The following THSD7A variants were observed in gnomAD, a reference collection of about 807,000 sequenced individuals.
THSD7A encodes the protein thrombospondin type-1 domain-containing protein 7A.
Under a neutral mutation model 231.3 loss-of-function variants are expected in THSD7A, and 96 were observed. The observed-to-expected ratio is 0.41, with a 90% CI of 0.35 to 0.49. THSD7A has a LOEUF of 0.49. THSD7A is among the 20% of genes least tolerant of loss of function. The pLI, the probability that THSD7A is intolerant of heterozygous loss-of-function variation, is 0.05. For synonymous variants in THSD7A, 940 were observed against 743.3 expected (o/e 1.26, Z -4.30); for missense variants, 2,290 against 2,070.2 (o/e 1.11, Z -2.06).
intron 23 of THSD7A, among the ~76,000 whole-genome samples, chr7:11,397,562 G>A (rs537628157): frequency 6.6e-6 from 1 of 152,160 alleles, no homozygotes; most frequent in African/African-American, 2.4e-5. Flanking sequence ...TTGACAAACG[G>A]GATCTAATTA....
chr7:11,737,090 A>G (rs1002472516), intron 1 of THSD7A, among the ~76,000 whole-genome samples: 1 of 152,066 alleles, frequency 6.6e-6, no homozygotes, highest in East Asian at 1.9e-4. Context: ...CTGTGAGTCA[A>G]TTAAACTCCT....
chr7:11,463,518 C>T (rs1363937206), intron 9 of THSD7A, among the ~76,000 whole-genome samples: 1 of 152,080 alleles, frequency 6.6e-6, no homozygotes, highest in African/African-American at 2.4e-5. Context: ...AATACACGAC[C>T]TTGTATGACC....
intron 23 of THSD7A, among the ~76,000 whole-genome samples, chr7:11,389,141 C>G (rs1782878109): frequency 6.6e-6 from 1 of 151,952 alleles, no homozygotes; most frequent in Non-Finnish European, 1.5e-5. Context: ...GAGCTGAGTT[C>G]AAGTCAAGTC....
chr7:11,488,945 T>C (rs17557036), intron 6 of THSD7A, among the ~76,000 whole-genome samples: 20,239 of 146,458 alleles, frequency 0.14, 1,494 homozygotes, highest in Middle Eastern at 0.21. Context: ...CTCGGTTTTC[T>C]TCCTCTGTGA....
chr7:11,740,781 T>C (rs1427183511), intron 1 of THSD7A, among the ~76,000 whole-genome samples: 2 of 151,996 alleles, frequency 1.3e-5, no homozygotes, highest in African/African-American at 2.4e-5. Flanking sequence ...GTGTGTGCAT[T>C]TGTTTCCTTC....
chr7:11,715,566 A>G (rs756203595), intron 1 of THSD7A, among the ~76,000 whole-genome samples: 5 of 151,512 alleles, frequency 3.3e-5, no homozygotes, highest in Non-Finnish European at 5.9e-5. Context: ...TCTGTCTCTC[A>G]AAGCAATAGA....
chr7:11,390,322 ATCTTGTCTTCTCACTTT>A (rs1406872819), intron 23 of THSD7A, among the ~76,000 whole-genome samples: 1 of 151,876 alleles, frequency 6.6e-6, no homozygotes, highest in East Asian at 1.9e-4. Flanking sequence ...TTTCTCTCTA[ATCTTGTCTTCTCACTTT>A]ATTTCATTAA....
rs61350544 is a variant in THSD7A at position 11,813,714 on chromosome 7, A to AAATAAT, written c.190+18037_190+18042dup. Among the ~76,000 whole-genome samples the AAATAAT allele has an allele frequency of 6.6e-3, 964 of 145,104 alleles. 2 individuals carry two copies. Among genetic ancestry groups the AAATAAT allele is most frequent in the African/African-American group, 0.014 (558 of 39,122 alleles). On this transcript the variant is annotated intron_variant, in intron 1 of 27. Coordinates refer to ENST00000423059, the MANE Select transcript of THSD7A (RefSeq NM_015204.3). ...GGCGACAGAGCAAGACTCCATCTCA[A>AAATAAT]AATAATAATAATAATAATAATAATA...
chr7:11,676,987 G>T (rs1298881120), intron 1 of THSD7A, among the ~76,000 whole-genome samples: 2 of 152,046 alleles, frequency 1.3e-5, no homozygotes, highest in African/African-American at 4.8e-5. Context: ...AGGTTGAAAT[G>T]AAAGAAAAAA....
intron 6 of THSD7A, among the ~76,000 whole-genome samples, chr7:11,483,225 C>T (rs1254092307): frequency 4.6e-5 from 7 of 152,118 alleles, no homozygotes. Context: ...CTCCTTTATT[C>T]ATATGCTTTA....
chr7:11,738,347 C>A (rs543442048), intron 1 of THSD7A, among the ~76,000 whole-genome samples: 86 of 152,026 alleles, frequency 5.7e-4, no homozygotes, highest in African/African-American at 2.0e-3. Context: ...ATTTTGGAGG[C>A]TCAACTTTTA....
At chr7:11,659,425 G>A (rs895525307) in intron 1 of THSD7A, among the ~76,000 whole-genome samples, 2 of 151,430 alleles carry the variant, frequency 1.3e-5, no homozygotes, top group African/African-American at 2.4e-5. Flanking sequence ...ATTCTACGAC[G>A]TTCTGACCTG....
chr7:11,526,970 A>T (rs1045897769), intron 6 of THSD7A, among the ~76,000 whole-genome samples: 6 of 152,196 alleles, frequency 3.9e-5, no homozygotes, highest in Non-Finnish European at 7.3e-5. Context: ...AATAAATGTG[A>T]AATGAAAGAA....
At chr7:11,376,465 A>C in intron 27 of THSD7A, 105 bp downstream of exon 27, 1 of 854,666 alleles carries the variant, frequency 1.2e-6, no homozygotes, top group Non-Finnish European at 1.7e-6. Flanking sequence ...TTAGAAATTC[A>C]TGTGAACACC....
chr7:11,620,109 T>C (rs1402363251), intron 2 of THSD7A, among the ~76,000 whole-genome samples: 1 of 152,194 alleles, frequency 6.6e-6, no homozygotes, highest in Non-Finnish European at 1.5e-5. Context: ...AAGTAATTAA[T>C]AATTTTATTC....
intron 9 of THSD7A, among the ~76,000 whole-genome samples, chr7:11,467,743 TA>T (rs71027414): frequency 6.6e-6 from 1 of 151,804 alleles, no homozygotes; most frequent in Non-Finnish European, 1.5e-5. Context: ...TTTTTACTCC[TA>T]AAAAACCTCT....
At chr7:11,705,628 G>GT (rs1452384935) in intron 1 of THSD7A, among the ~76,000 whole-genome samples, 5 of 150,940 alleles carry the variant, frequency 3.3e-5, no homozygotes, top group African/African-American at 1.2e-4. Context: ...CCAAAGAGCA[G>GT]TTTTTAGGTG....
At chr7:11,429,694 C>A (rs1784421702) in intron 13 of THSD7A, among the ~76,000 whole-genome samples, 1 of 152,190 alleles carries the variant, frequency 6.6e-6, no homozygotes, top group South Asian at 2.1e-4. Context: ...TTCAGAGCAT[C>A]TTCACATCTT....
intron 1 of THSD7A, among the ~76,000 whole-genome samples, chr7:11,651,406 T>G (rs1782496067): frequency 6.6e-6 from 1 of 152,020 alleles, no homozygotes; most frequent in Non-Finnish European, 1.5e-5. Context: ...GCCACTGAAT[T>G]TTTCACTTAG....
Sources: gnomAD v4.1 joint callset for allele counts (sites outside exome capture counted in the v4.1 genomes callset) on GRCh38, gnomAD v4.1.1 for gene constraint, MANE v1.5 for transcripts, NCBI Gene and HGNC (gene_info 2026-07-23, HGNC 2026-07-21) for gene names.